RIN3: variants seen among roughly 807,000 people sequenced by gnomAD.
The protein encoded by RIN3 is RAB5 interacting protein 3.
A neutral mutation model predicts 76.3 loss-of-function variants in RIN3; 54 were observed. The ratio of observed to expected loss-of-function variants is 0.71; its 90% CI spans 0.57 to 0.89. The LOEUF is 0.89. Among genes scored for constraint, RIN3 ranks in the 40% least tolerant of loss-of-function variants. The probability of loss-of-function intolerance (pLI) is 0.00; values close to 1 mark genes in which losing one functional copy is unlikely to be tolerated. For synonymous variants in RIN3, 576 were observed against 564.0 expected (o/e 1.02, Z -0.30); for missense variants, 1,256 against 1,322.1 (o/e 0.95, Z 0.78).
chr14:92,618,752 GT>G lies in RIN3; in HGVS notation c.440+3275del, dbSNP rs564213451. On this transcript the variant is annotated intron_variant, in intron 4 of 9. Coordinates refer to ENST00000216487, the MANE Select transcript of RIN3 (RefSeq NM_024832.5). ...CCCAGGAATATGGGATCAAACATTG[GT>G]TATAAACAATTTCAGTAATTTGTAA... 9.0e-4 allele frequency among the ~76,000 whole-genome samples: 137 copies of G among 152,276 alleles called. 2 individuals are homozygous for G. Among genetic ancestry groups the G allele is most frequent in the Non-Finnish European group, 1.6e-3 (112 of 68,014 alleles).
chr14:92,625,933 A>G (rs1302041442), intron 4 of RIN3, among the ~76,000 whole-genome samples: 1 of 152,158 alleles, frequency 6.6e-6, no homozygotes, highest in Non-Finnish European at 1.5e-5. Flanking sequence ...AGTTTCTGCA[A>G]CTTCTTTGCT....
At chr14:92,665,870 C>T (rs529313210) in intron 7 of RIN3, among the ~76,000 whole-genome samples, 29 of 152,116 alleles carry the variant, frequency 1.9e-4, no homozygotes, top group Non-Finnish European at 3.4e-4. Context: ...AATTTTAGAA[C>T]GAGGTCCCAG....
intron 4 of RIN3, among the ~76,000 whole-genome samples, chr14:92,634,215 C>T (rs1886694776): frequency 6.6e-6 from 1 of 151,836 alleles, no homozygotes; most frequent in Non-Finnish European, 1.5e-5. Flanking sequence ...GCTGGGATTA[C>T]AGGCACCTGC....
chr14:92,650,247 G>A (rs1282032746), intron 5 of RIN3, among the ~76,000 whole-genome samples: 1 of 152,210 alleles, frequency 6.6e-6, no homozygotes, highest in Non-Finnish European at 1.5e-5. Context: ...AAACACACAG[G>A]CTGTAGAACC....
intron 1 of RIN3, among the ~76,000 whole-genome samples, chr14:92,521,083 C>G (rs1896584778): frequency 6.6e-6 from 1 of 152,194 alleles, no homozygotes; most frequent in South Asian, 2.1e-4. Flanking sequence ...ATCATCCAGA[C>G]ATCCACCTGT....
intron 1 of RIN3, among the ~76,000 whole-genome samples, chr14:92,521,854 C>G (rs1896605592): frequency 6.6e-6 from 1 of 152,194 alleles, no homozygotes; most frequent in Non-Finnish European, 1.5e-5. Context: ...TTACAGTTGG[C>G]TGTGCAGAGT....
At chr14:92,547,740 G>T (rs201215214) in intron 1 of RIN3, among the ~76,000 whole-genome samples, 1 of 151,854 alleles carries the variant, frequency 6.6e-6, no homozygotes, top group East Asian at 1.9e-4. Context: ...GTCTCGCTGT[G>T]TCACCCAGGC....
chr14:92,622,803 T>G (rs2140111351), intron 4 of RIN3, among the ~76,000 whole-genome samples: 1 of 152,352 alleles, frequency 6.6e-6, no homozygotes, highest in Admixed American at 6.5e-5. Context: ...TGATTACCTT[T>G]TAGAATAGAA....
intron 2 of RIN3, 176 bp from the exon 3 acceptor site, chr14:92,577,183 GC>G (rs1898268305): frequency 1.8e-6 from 1 of 546,208 alleles, no homozygotes; most frequent in African/African-American, 1.9e-5. Flanking sequence ...GTGGATGTGG[GC>G]CAGGTGGCGC....
At chr14:92,668,897 T>C (rs953215370) in intron 7 of RIN3, among the ~76,000 whole-genome samples, 1 of 152,198 alleles carries the variant, frequency 6.6e-6, no homozygotes, top group African/African-American at 2.4e-5. Context: ...CAAACACAGA[T>C]TTGAAGTCTA....
At chr14:92,556,767 T>C (rs1389670027) in intron 2 of RIN3, among the ~76,000 whole-genome samples, 1 of 152,224 alleles carries the variant, frequency 6.6e-6, no homozygotes, top group Non-Finnish European at 1.5e-5. Context: ...TACACATATG[T>C]GTTCATTATT....
intron 3 of RIN3, among the ~76,000 whole-genome samples, chr14:92,600,397 G>A (rs952710576): frequency 6.6e-6 from 1 of 152,056 alleles, no homozygotes. Flanking sequence ...ATGCCTAAGG[G>A]GGGTGGGAAG....
At chr14:92,636,954 C>T (rs1002031634) in intron 4 of RIN3, among the ~76,000 whole-genome samples, 2 of 151,826 alleles carry the variant, frequency 1.3e-5, no homozygotes, top group Admixed American at 1.3e-4. Flanking sequence ...CTTGGGCACG[C>T]GTATGTGTAC....
At chr14:92,571,715 T>C (rs1320703503) in intron 2 of RIN3, among the ~76,000 whole-genome samples, 1 of 152,326 alleles carries the variant, frequency 6.6e-6, no homozygotes, top group Non-Finnish European at 1.5e-5. Flanking sequence ...GGAGTTCCCA[T>C]GATCTCCATT....
rs71123360 is a variant in RIN3 at position 92,561,055 on chromosome 14, A to ATATATATATATCTC, written c.249+5101_249+5102insATATATATATCTCT. Among the ~76,000 whole-genome samples the ATATATATATATCTC allele has an allele frequency of 1.5e-4, 12 of 79,162 alleles. 1 individual carries two copies. Among genetic ancestry groups the ATATATATATATCTC allele is most frequent in the South Asian group, 1.5e-3 (3 of 2,068 alleles). The allele number at this position is 79,162 out of a possible 152,430, so 51.9% of individuals were successfully genotyped here. The stretch of plus-strand genomic sequence containing the variant: ...AAAAAAAAAAAAAAAATATATATAT[A>ATATATATATATCTC]TCTGCCATATATATGCCATAAATAT... On this transcript the variant is annotated intron_variant, in intron 2 of 9. Transcript: ENST00000216487.
intron 3 of RIN3, among the ~76,000 whole-genome samples, chr14:92,589,414 T>C (rs1426671962): frequency 1.3e-5 from 2 of 152,168 alleles, no homozygotes; most frequent in African/African-American, 4.8e-5. Flanking sequence ...TGTGTTCCAT[T>C]GTCCAGCAGA....
At chr14:92,661,901 G>A (rs1044024302) in intron 7 of RIN3, among the ~76,000 whole-genome samples, 1 of 152,272 alleles carries the variant, frequency 6.6e-6, no homozygotes, top group African/African-American at 2.4e-5. Context: ...TGTTTTCACA[G>A]AGTGGACATT....
chr14:92,683,240 G>A (rs1888731862), intron 8 of RIN3, among the ~76,000 whole-genome samples: 1 of 152,150 alleles, frequency 6.6e-6, no homozygotes, highest in Admixed American at 6.5e-5. Flanking sequence ...GCAGTGGTGG[G>A]AAAGCCCAAG....
At chr14:92,534,604 AAG>A (rs1896955276) in intron 1 of RIN3, among the ~76,000 whole-genome samples, 3 of 137,006 alleles carry the variant, frequency 2.2e-5, no homozygotes, top group African/African-American at 1.1e-4. Context: ...AAAAAACAAA[AAG>A]AAAGAAAGAA....
Sources: allele counts gnomAD v4.1 joint callset (sites outside exome capture counted in the v4.1 genomes callset), GRCh38; gene constraint gnomAD v4.1.1; transcripts MANE v1.5; gene names NCBI Gene and HGNC (gene_info 2026-07-23, HGNC 2026-07-21).